LRWD1: variants seen among roughly 807,000 people sequenced by gnomAD.
LRWD1 encodes the protein leucine rich repeats and WD repeat domain containing 1, also known as leucine-rich repeat and WD repeat-containing protein 1.
LRWD1 carries 76 observed loss-of-function variants against 75.6 expected under a neutral mutation model. The ratio of observed to expected loss-of-function variants is 1.01; its 90% confidence interval spans 0.84 to 1.22. LRWD1 has a LOEUF of 1.22. LRWD1 is among the 50% of genes most tolerant of loss of function. The pLI is 0.00. For synonymous variants in LRWD1, 487 were observed against 377.0 expected (o/e 1.29, Z -3.38); for missense variants, 917 against 862.0 (o/e 1.06, Z -0.80).
Position 102,473,160 on chromosome 7 carries a change from G to A in LRWD1, c.*111G>A, listed in dbSNP as rs1379890083. On this transcript the variant is annotated 3_prime_UTR_variant, in exon 15 of 15. Coordinates refer to ENST00000292616, the MANE Select transcript of LRWD1 (RefSeq NM_152892.3). The stretch of plus-strand genomic sequence containing the variant: ...GAATATTTTTATTAAACTCTACTGT[G>A]GACAAGAAGCCTGTGGAAAGGTGTT... 2.0e-5 allele frequency: 25 copies of A among 1,251,208 alleles called. No homozygotes were observed. Among genetic ancestry groups the A allele is most frequent in the East Asian group, 2.4e-5 (1 of 41,642 alleles). 77.5% of individuals were successfully genotyped at this position (1,251,208 alleles called of 1,614,324 possible).
At position 102,472,759 on chromosome 7, in the gene LRWD1, G is replaced by A. The variant is rs1215544111; in HGVS notation, c.1758G>A (p.Leu586=). Residue 586 remains leucine, a synonymous_variant, in exon 14 of 15, where the codon CTG becomes CTA. Coordinates refer to ENST00000292616, the MANE Select transcript of LRWD1 (RefSeq NM_152892.3). The part of the protein sequence containing the change: ...NVWLYDVSNI[L]KQPPLLPAAL... ...GGCTCTACGACGTCAGCAACATCCTGAAGCAGCCACCCCTGCTGCCGGCAG... is the reference window on the plus strand; with the variant it reads ...GGCTCTACGACGTCAGCAACATCCTAAAGCAGCCACCCCTGCTGCCGGCAG... The A allele has an allele frequency of 6.2e-7, 1 of 1,613,464 alleles. No homozygotes were observed. The highest frequency in any genetic ancestry group is 1.1e-5 in the South Asian group (1 of 91,092).
rs776533884 is a variant in LRWD1, at chr7:102,469,565, CCT to C, written c.1229-6_1229-5del. The C allele has an allele frequency of 6.2e-7, 1 of 1,614,134 alleles. No homozygotes were observed. The highest frequency in any genetic ancestry group is 8.5e-7 in the Non-Finnish European group (1 of 1,179,966). ...GGGCCACTTCTCCCCTACCCCACCC[CCT>C]CTTCAGCGGCCTCCTATGACAAGCG... On this transcript the variant is annotated splice_region_variant and splice_polypyrimidine_tract_variant and intron_variant, in intron 9 of 14. Transcript: ENST00000292616.
chr7:102,468,931 C>T lies in LRWD1; in HGVS notation c.1097C>T (p.Ala366Val), dbSNP rs888310940. 2.2e-5 allele frequency: 36 copies of T among 1,612,592 alleles called. No homozygotes were observed. Among genetic ancestry groups the T allele is most frequent in the East Asian group, 4.5e-5 (2 of 44,888 alleles). The change falls in exon 9 of 15, where the codon GCG becomes GTG. Residue 366 changes from alanine to valine, a missense_variant. Physicochemically the swap from Ala to Val is moderately conservative, Grantham distance 64. Coordinates refer to ENST00000292616, the MANE Select transcript of LRWD1 (RefSeq NM_152892.3). Reference protein sequence around the residue: ...AGHKKRWSVLAAAGLRGLVRL... With the variant: ...AGHKKRWSVLVAAGLRGLVRL... Reference sequence around the variant, plus strand: ...CACAAGAAGCGCTGGAGTGTGCTGGCGGCTGCAGGCCTACGGGGCCTGGTC... The same window carrying T: ...CACAAGAAGCGCTGGAGTGTGCTGGTGGCTGCAGGCCTACGGGGCCTGGTC...
At chr7:102,469,538 C>T in intron 9 of LRWD1, 36 bp from the exon 10 acceptor site, 1 of 1,611,634 alleles carries the variant, frequency 6.2e-7, no homozygotes, top group East Asian at 2.2e-5. Context: ...AGGGTCATCT[C>T]AGGGCCACTT....
At chr7:102,465,463 G>GC in intron 1 of LRWD1, 1 of 370,436 alleles carries the variant, frequency 2.7e-6, no homozygotes, top group East Asian at 5.0e-5. Flanking sequence ...GGGCTAGGAT[G>GC]CCCCCGAGTC....
rs1169306137 is a variant in LRWD1 at position 102,468,593 on chromosome 7, C to T, written c.959C>T (p.Ala320Val). 3.8e-6 allele frequency: 6 copies of T among 1,578,072 alleles called. No individual in the cohort carries two copies. Among genetic ancestry groups the T allele is most frequent in the Admixed American group, 1.8e-5 (1 of 55,186 alleles). ...SQTVATCGGEAVCVIDCQTGI... is the reference protein window; with the variant it reads ...SQTVATCGGEVVCVIDCQTGI... ...ACCGTGGCCACGTGCGGCGGGGAGG[C>T]TGTGTGCGTAATTGATTGCCAGACG... Residue 320 changes from alanine (A) to valine (V), a missense_variant, in exon 8 of 15, where the codon GCT becomes GTT. Physicochemically the swap from Ala to Val is moderately conservative, Grantham distance 64. Transcript: ENST00000292616.
chr7:102,467,334 A>G lies in LRWD1; in HGVS notation c.433-5A>G. On this transcript the variant is annotated splice_polypyrimidine_tract_variant and splice_region_variant and intron_variant, in intron 3 of 14. Coordinates refer to ENST00000292616, the MANE Select transcript of LRWD1 (RefSeq NM_152892.3). Reference sequence around the variant, plus strand: ...CGGGCCTGGATCTGGTCCCTCTTGCACCAGGTCACAGCTCACTGGGAGAAG... The same window carrying G: ...CGGGCCTGGATCTGGTCCCTCTTGCGCCAGGTCACAGCTCACTGGGAGAAG... 1.2e-6 allele frequency: 2 copies of G among 1,600,604 alleles called. No individual in the cohort carries two copies. The highest frequency in any genetic ancestry group is 1.7e-6 in the Non-Finnish European group (2 of 1,174,050).
At chr7:102,466,348 G>A (rs1751796942) in intron 3 of LRWD1, 78 bp downstream of exon 3, 8 of 1,194,042 alleles carry the variant, frequency 6.7e-6, no homozygotes, top group Middle Eastern at 2.0e-4. Flanking sequence ...ACATCAGGAG[G>A]ATGTTGAGGA....
chr7:102,467,171 G>GTGTGTAT lies in LRWD1; in HGVS notation c.433-168_433-167insTGTGTAT, dbSNP rs1554579596. Among the ~76,000 whole-genome samples the GTGTGTAT allele has an allele frequency of 3.5e-3, 345 of 99,144 alleles. 9 individuals carry two copies. The highest frequency in any genetic ancestry group is 0.014 in the African/African-American group (324 of 22,808). 65.0% of individuals were successfully genotyped at this position (99,144 alleles called of 152,430 possible). A position where few individuals can be genotyped will look rare whatever the true frequency, so the allele number is the denominator to read the frequency against. On this transcript the variant is annotated intron_variant, in intron 3 of 14. Transcript: ENST00000292616. The stretch of plus-strand genomic sequence containing the variant: ...TGGGTTGTTGCTGGGGTGTGTGTGG[G>GTGTGTAT]GTGTGTGTGTGTGTGTGTGTGTGTG...
rs1369310153 is a variant in LRWD1, at chr7:102,472,791, A to G, written c.1790A>G (p.Gln597Arg). 6.2e-7 allele frequency: 1 copy of G among 1,613,332 alleles called. No individual in the cohort carries two copies. The highest frequency in any genetic ancestry group is 8.5e-7 in the Non-Finnish European group (1 of 1,179,904). ...CCACCCCTGCTGCCGGCAGCCCTGC[A>G]GGCCCCCACACAGGTACTGCCCGGC... The part of the protein sequence containing the change: ...KQPPLLPAAL[Q>R]APTQILKWPQ... Residue 597 changes from glutamine (Q) to arginine (R), a missense_variant, in exon 14 of 15, where the codon CAG (glutamine) becomes CGG (arginine). Physicochemically the swap from Gln to Arg is conservative, Grantham distance 43. Transcript: ENST00000292616.
Position 102,465,817 on chromosome 7 carries a change from C to T in LRWD1, c.81C>T (p.Asp27=). The part of the protein sequence containing the change: ...SDRLGKIRSL[D]LSGLELLSEH... ...CTAAGCCTTCTGCCCCCAACTCCAGCCTGTCAGGATTGGAGCTGCTTTCCG... is the reference window on the plus strand; with the variant it reads ...CTAAGCCTTCTGCCCCCAACTCCAGTCTGTCAGGATTGGAGCTGCTTTCCG... The change falls in exon 2 of 15, where the codon GAC becomes GAT. Residue 27 remains aspartate (D), a splice_region_variant and synonymous_variant. Transcript: ENST00000292616. 1 of 1,611,862 alleles carries T rather than the reference C, an allele frequency of 6.2e-7. No homozygotes were observed.
rs553992471 is a variant in LRWD1 at position 102,469,784 on chromosome 7, C to T, written c.1344C>T (p.Leu448=). 1.6e-5 allele frequency: 25 copies of T among 1,610,042 alleles called. No individual in the cohort carries two copies. In the African/African-American group the frequency reaches 3.2e-4, roughly 21 times the overall value. Residue 448 remains leucine (L), a synonymous_variant, in exon 11 of 15, where the codon CTC becomes CTT. Transcript: ENST00000292616. ...TLDTTSIPLR[L]CPVASCPDAR... ...ACACCACCTCTATCCCCCTGCGCCT[C>T]TGCCCTGTCGCCTCCTGCCCGGACG...
Position 102,465,997 on chromosome 7 carries a change from G to A in LRWD1, c.261G>A (p.Leu87=). The part of the protein sequence containing the change: ...ANNQLGDVTA[L]CQFPKLEELS... ...ACCAGCTGGGGGATGTTACTGCCTT[G>A]TGCCAGTTCCCCAAGCTCGAGGAAC... is the stretch of plus-strand genomic sequence containing the variant. Residue 87 remains leucine, a synonymous_variant, in exon 2 of 15, where the codon TTG becomes TTA. Coordinates refer to ENST00000292616, the MANE Select transcript of LRWD1 (RefSeq NM_152892.3). 1 of 1,614,026 alleles carries A rather than the reference G, an allele frequency of 6.2e-7. No individual in the cohort carries two copies. Among genetic ancestry groups the A allele is most frequent in the South Asian group, 1.1e-5 (1 of 91,086 alleles).
Position 102,472,582 on chromosome 7 carries a change from G to GC in LRWD1, c.1665dup (p.Tyr556LeufsTer9). The GC allele has an allele frequency of 6.2e-7, 1 of 1,608,554 alleles. No homozygotes were observed. The highest frequency in any genetic ancestry group is 8.5e-7 in the Non-Finnish European group (1 of 1,177,682). On this transcript the variant is annotated frameshift_variant, in exon 13 of 15. Transcript: ENST00000292616. LOFTEE classifies it high-confidence loss of function. ...GCTGCAATGGTCGTCCACCGAGTTG[G>GC]CCTACTTCTCGCTCAGCGCCTGCCC...
rs1392167880 is a variant in LRWD1, at chr7:102,473,042, G to A, written c.1937G>A (p.Arg646Lys). Residue 646 changes from arginine to lysine, a missense_variant, in exon 15 of 15, where the codon AGG becomes AAG. Transcript: ENST00000292616. ...TDSNIVAIWG[R>K]M ...TCCAACATCGTAGCCATCTGGGGGA[G>A]GATGTAGCCTCACACCATCGCAAAG... The A allele has an allele frequency of 6.2e-7, 1 of 1,612,976 alleles. No individual in the cohort carries two copies. The highest frequency in any genetic ancestry group is 1.7e-5 in the Admixed American group (1 of 59,926).
rs1563654109 is a variant in LRWD1, at chr7:102,467,160, GGTGTGTGTGGGGTGT to G, written c.433-169_433-155del. 3.5e-3 allele frequency among the ~76,000 whole-genome samples: 130 copies of G among 37,020 alleles called. 3 individuals are homozygous for G. Among genetic ancestry groups the G allele is most frequent in the Non-Finnish European group, 7.5e-3 (104 of 13,822 alleles). 24.3% of individuals were successfully genotyped at this position (37,020 alleles called of 152,430 possible). On this transcript the variant is annotated intron_variant, in intron 3 of 14. Coordinates refer to ENST00000292616, the MANE Select transcript of LRWD1 (RefSeq NM_152892.3). ...GTGTAGGCACCTGGGTTGTTGCTGG[GGTGTGTGTGGGGTGT>G]GTGTGTGTGTGTGTGTGTGTGTGTG...
At chr7:102,471,461 G>A (rs1427287278) in intron 11 of LRWD1, 3 of 154,540 alleles carry the variant, frequency 1.9e-5, no homozygotes, top group South Asian at 2.0e-4. Flanking sequence ...GGGCCTTGGC[G>A]GCAGAGGTGG....
rs775337750 is a variant in LRWD1 at position 102,472,626 on chromosome 7, GCCCGCCCCAT to G, written c.1690+23_1690+32del. On this transcript the variant is annotated intron_variant, in intron 13 of 14. Coordinates refer to ENST00000292616, the MANE Select transcript of LRWD1 (RefSeq NM_152892.3). ...CCTGCCCTGGTGAGCCTGCCCCCCT[GCCCGCCCCAT>G]CCCGCGGGCTTCCGGGAGCTCTGCC... 5.0e-6 allele frequency: 8 copies of G among 1,609,616 alleles called. No individual in the cohort carries two copies. Among genetic ancestry groups the G allele is most frequent in the Non-Finnish European group, 6.8e-6 (8 of 1,177,556 alleles).
chr7:102,465,135 C>A lies in LRWD1; in HGVS notation c.55C>A (p.Arg19=). ...GCAGCGCGGGCGCCCCAAGAGCGAC[C>A]GGCTGGGGAAGATCCGGAGTCTGGA... ...LMQRGRPKSD[R]LGKIRSLDLS... Residue 19 remains arginine (R), a synonymous_variant, in exon 1 of 15, where the codon CGG becomes AGG. Coordinates refer to ENST00000292616, the MANE Select transcript of LRWD1 (RefSeq NM_152892.3). 1 of 1,517,194 alleles carries A rather than the reference C, an allele frequency of 6.6e-7. No individual in the cohort carries two copies. Among genetic ancestry groups the A allele is most frequent in the Admixed American group, 2.3e-5 (1 of 43,476 alleles). 94.0% of individuals were successfully genotyped at this position (1,517,194 alleles called of 1,614,324 possible).
Sources: allele counts gnomAD v4.1 joint callset (sites outside exome capture counted in the v4.1 genomes callset), GRCh38; gene constraint gnomAD v4.1.1; transcripts MANE v1.5; gene names NCBI Gene and HGNC (gene_info 2026-07-23, HGNC 2026-07-21).